The following ACSM5 variants were observed in gnomAD, a reference collection of about 807,000 sequenced individuals.
ACSM5 encodes the protein acyl-coenzyme A synthetase ACSM5, mitochondrial.
A neutral mutation model predicts 71.6 loss-of-function variants in ACSM5; 56 were observed. That is an observed-to-expected ratio of 0.78 (90% CI 0.63 to 0.98). The LOEUF (loss-of-function observed/expected upper bound fraction) is 0.98. Among genes scored for constraint, ACSM5 ranks in the 50% least tolerant of loss-of-function variants. The pLI is 0.00. For missense variants in ACSM5, 723 were observed against 726.0 expected (o/e 1.00, Z 0.05); for synonymous variants, 285 against 281.5 (o/e 1.01, Z -0.12).
chr16:20,412,036 C>A (rs1043393225), intron 2 of ACSM5: 1 of 304,226 alleles, frequency 3.3e-6, no homozygotes, highest in East Asian at 8.3e-5. Context: ...CTCACTGTCA[C>A]GCCCTTCTCT....
intron 10 of ACSM5, among the ~76,000 whole-genome samples, chr16:20,432,751 G>A (rs1042906466): frequency 6.8e-6 from 1 of 146,782 alleles, no homozygotes; most frequent in Non-Finnish European, 1.5e-5. Context: ...GTGTACTAAA[G>A]TAATTTGAAA....
intron 10 of ACSM5, among the ~76,000 whole-genome samples, chr16:20,436,514 G>A (rs1274283461): frequency 6.6e-6 from 1 of 152,076 alleles, no homozygotes; most frequent in South Asian, 2.1e-4. Context: ...GGAATTACAG[G>A]CATGCACCAC....
In ACSM5 at chr16:20,427,826, C is replaced by T. The variant is rs12921787; in HGVS notation, c.960C>T (p.Val320=). The change falls in exon 7 of 14, where the codon GTC becomes GTT. Residue 320 remains valine (V), a synonymous_variant. Coordinates refer to ENST00000331849, the MANE Select transcript of ACSM5 (RefSeq NM_017888.3). ...TCCCGATAACCACCCTCTGCTGTGTCCCAACCATCTTTCGGCTGCTTGTGC... is the reference window on the plus strand; with the variant it reads ...TCCCGATAACCACCCTCTGCTGTGTTCCAACCATCTTTCGGCTGCTTGTGC... ...SKFPITTLCC[V]PTIFRLLVQE... 76 of 1,613,852 alleles carry T rather than the reference C, an allele frequency of 4.7e-5. No individual in the cohort carries two copies. Among genetic ancestry groups the T allele is most frequent in the Non-Finnish European group, 5.5e-5 (65 of 1,179,922 alleles).
chr16:20,439,105 C>G (rs1009953759), intron 12 of ACSM5, among the ~76,000 whole-genome samples: 50 of 149,012 alleles, frequency 3.4e-4, no homozygotes, highest in Non-Finnish European at 6.7e-4. Context: ...GGACAGTGAG[C>G]TACCCCTTTA....
At chr16:20,426,607 A>C (rs1966985628) in intron 6 of ACSM5, among the ~76,000 whole-genome samples, 1 of 152,242 alleles carries the variant, frequency 6.6e-6, no homozygotes, top group Non-Finnish European at 1.5e-5. Context: ...GTATGATATA[A>C]CGTGGATAAC....
chr16:20,427,931 C>T (rs1289101237), intron 7 of ACSM5, 64 bp downstream of exon 7: 1 of 1,113,304 alleles, frequency 9.0e-7, no homozygotes, highest in African/African-American at 1.5e-5. Flanking sequence ...TGGGTATCCA[C>T]ACACACAACT....
chr16:20,418,574 A>AATACCAGT (rs1966863724), intron 3 of ACSM5, among the ~76,000 whole-genome samples: 1 of 152,194 alleles, frequency 6.6e-6, no homozygotes, highest in African/African-American at 2.4e-5. Context: ...CGACAGAATG[A>AATACCAGT]ATACCAGTGT....
intron 4 of ACSM5, chr16:20,419,658 T>A (rs1162406758): frequency 2.4e-5 from 14 of 573,660 alleles, no homozygotes; most frequent in Non-Finnish European, 3.1e-6. Context: ...TGTGCTTCAT[T>A]TGCTTCTATA....
chr16:20,415,462 G>A (rs1966854491), intron 2 of ACSM5, among the ~76,000 whole-genome samples: 1 of 152,152 alleles, frequency 6.6e-6, no homozygotes, highest in African/African-American at 2.4e-5. Flanking sequence ...TCCCTAATGG[G>A]GTGAATCACT....
At chr16:20,434,277 G>T (rs1319121102) in intron 10 of ACSM5, among the ~76,000 whole-genome samples, 1 of 152,136 alleles carries the variant, frequency 6.6e-6, no homozygotes, top group Non-Finnish European at 1.5e-5. Flanking sequence ...TAATCCATCT[G>T]TGGTTGATGT....
intron 3 of ACSM5, 152 bp from the exon 4 acceptor site, chr16:20,419,076 G>A: frequency 1.5e-6 from 1 of 688,464 alleles, no homozygotes; most frequent in Non-Finnish European, 2.5e-6. Context: ...TATTCAGACG[G>A]CTAGGGTTTT....
chr16:20,420,615 A>AC (rs1468511161), intron 4 of ACSM5, among the ~76,000 whole-genome samples: 1 of 152,174 alleles, frequency 6.6e-6, no homozygotes, highest in Non-Finnish European at 1.5e-5. Context: ...ACAAAACAAA[A>AC]AAAAATCGGC....
chr16:20,422,699 G>A (rs1966902836), intron 5 of ACSM5, among the ~76,000 whole-genome samples: 2 of 152,164 alleles, frequency 1.3e-5, no homozygotes, highest in Admixed American at 1.3e-4. Flanking sequence ...TGTAACTGTA[G>A]GGGAAACAGG....
rs746446211 is a variant in ACSM5 at position 20,418,184 on chromosome 16, C to A, written c.330C>A (p.Cys110Ter). Residue 110 changes from cysteine (C) to a stop codon, truncating the protein, a stop_gained, in exon 3 of 14, where the codon TGC becomes TGA. Transcript: ENST00000331849. LOFTEE classifies it high-confidence loss of function. ...RKAANVLGGACGLQPGDRMML... is the reference protein window; with the variant it reads ...RKAANVLGGA ...CAGCCAATGTGCTGGGGGGTGCATG[C>A]GGCCTGCAGCCTGGGGACAGAATGA... The A allele has an allele frequency of 7.4e-6, 12 of 1,613,070 alleles. No homozygotes were observed. Among genetic ancestry groups the A allele is most frequent in the East Asian group, 4.5e-5 (2 of 44,872 alleles).
chr16:20,413,686 CTGTGTGCT>C, intron 2 of ACSM5, among the ~76,000 whole-genome samples: 1 of 152,190 alleles, frequency 6.6e-6, no homozygotes, highest in Non-Finnish European at 1.5e-5. Flanking sequence ...CTAAGTAAGG[CTGTGTGCT>C]TTCCTAGGGC....
intron 10 of ACSM5, among the ~76,000 whole-genome samples, chr16:20,436,246 C>G (rs1350632203): frequency 1.4e-5 from 2 of 143,214 alleles, no homozygotes; most frequent in Non-Finnish European, 3.1e-5. Context: ...CCCCACTCTC[C>G]TCTCCCCTCC....
In ACSM5 at chr16:20,419,268, G is replaced by A. The variant is rs75598896; in HGVS notation, c.456G>A (p.Lys152=). The A allele has an allele frequency of 8.1e-6, 13 of 1,614,112 alleles. No homozygotes were observed. The African/African-American group carries it at 1.1e-4, about 13-fold the overall frequency. The change falls in exon 4 of 14, where the codon AAG becomes AAA. Residue 152 remains lysine, a synonymous_variant. Coordinates refer to ENST00000331849, the MANE Select transcript of ACSM5 (RefSeq NM_017888.3). ...CGGGTGTGACTCAGCTGACAGAGAA[G>A]GACCTCAAGTACCGGCTGCAGGCGT... The part of the protein sequence containing the change: ...MIPGVTQLTE[K]DLKYRLQASR...
chr16:20,413,737 T>C (rs1567339243), intron 2 of ACSM5, among the ~76,000 whole-genome samples: 2 of 152,174 alleles, frequency 1.3e-5, no homozygotes, highest in Admixed American at 6.5e-5. Context: ...CTGAGGAAAC[T>C]CTAAGCTCGC....
At chr16:20,413,249 G>GA (rs1057460667) in intron 2 of ACSM5, among the ~76,000 whole-genome samples, 13 of 151,892 alleles carry the variant, frequency 8.6e-5, no homozygotes, top group African/African-American at 2.9e-4. Context: ...ATTAAGTCAG[G>GA]AAAAAAAATG....
Sources: gnomAD v4.1 joint callset for allele counts (sites outside exome capture counted in the v4.1 genomes callset) on GRCh38, gnomAD v4.1.1 for gene constraint, MANE v1.5 for transcripts, NCBI Gene and HGNC (gene_info 2026-07-23, HGNC 2026-07-21) for gene names.